FBXW4: variants seen among roughly 807,000 people sequenced by gnomAD.
FBXW4 encodes the protein F-box/WD repeat-containing protein 4.
FBXW4 carries 40 observed loss-of-function variants against 61.8 expected under a neutral mutation model. That is an observed-to-expected ratio of 0.65 (90% CI 0.50 to 0.84). The LOEUF (loss-of-function observed/expected upper bound fraction) is 0.84. Ranked by LOEUF, FBXW4 falls within the 40% of genes least tolerant of loss-of-function variation. FBXW4 has a pLI of 0.00. For missense variants in FBXW4, 672 were observed against 753.8 expected (o/e 0.89, Z 1.27); for synonymous variants, 311 against 313.8 (o/e 0.99, Z 0.10).
At chr10:101,632,893 G>A (rs1258723343) in intron 5 of FBXW4, among the ~76,000 whole-genome samples, 1 of 152,104 alleles carries the variant, frequency 6.6e-6, no homozygotes, top group Non-Finnish European at 1.5e-5. Context: ...AGCTATACAT[G>A]GTAATTACTT....
intron 6 of FBXW4, among the ~76,000 whole-genome samples, chr10:101,618,274 C>G (rs771960602): frequency 6.6e-5 from 10 of 152,228 alleles, no homozygotes; most frequent in Non-Finnish European, 1.3e-4. Flanking sequence ...CCAGGTGGCC[C>G]TTATCAGTGT....
intron 5 of FBXW4, among the ~76,000 whole-genome samples, chr10:101,666,475 C>T (rs775141954): frequency 6.6e-6 from 1 of 151,996 alleles, no homozygotes; most frequent in Non-Finnish European, 1.5e-5. Context: ...GGTGCAGGCT[C>T]CATGGGGTGA....
At chr10:101,689,896 A>G (rs2064575709) in intron 1 of FBXW4, among the ~76,000 whole-genome samples, 2 of 152,230 alleles carry the variant, frequency 1.3e-5, no homozygotes, top group Non-Finnish European at 2.9e-5. Context: ...ATGAATGTAC[A>G]TGCCAGGACA....
chr10:101,615,330 G>A (rs777040832), intron 6 of FBXW4, among the ~76,000 whole-genome samples: 12 of 152,076 alleles, frequency 7.9e-5, no homozygotes, highest in East Asian at 7.8e-4. Context: ...TCCAACTCCC[G>A]TGGACAAAGC....
In FBXW4 at chr10:101,667,948, C is replaced by T. The variant is rs1466250420; in HGVS notation, c.1173G>A (p.Gln391=). 6.2e-7 allele frequency: 1 copy of T among 1,614,100 alleles called. No homozygotes were observed. The highest frequency in any genetic ancestry group is 1.3e-5 in the African/African-American group (1 of 74,946). The change falls in exon 5 of 9, where the codon CAG becomes CAA. Residue 391 remains glutamine (Q), a synonymous_variant. Coordinates refer to ENST00000331272, the MANE Select transcript of FBXW4 (RefSeq NM_022039.4). ...VWPLASGRLG[Q]CLHTIQTEDR... ...CTTCAGTCTGGATGGTGTGTAAGCA[C>T]TGCCCCAGCCGGCCTGAGGCCAAAG...
chr10:101,628,689 C>G (rs2063926257), intron 5 of FBXW4, among the ~76,000 whole-genome samples: 1 of 152,126 alleles, frequency 6.6e-6, no homozygotes, highest in Non-Finnish European at 1.5e-5. Flanking sequence ...AGTGAGAAGT[C>G]CCTCATAAGC....
chr10:101,694,626 G>GGCC lies in FBXW4; in HGVS notation c.477_479dup (p.Ala160dup), dbSNP rs1333839343. The GGCC allele has an allele frequency of 2.1e-6, 3 of 1,428,516 alleles. No homozygotes were observed. The highest frequency in any genetic ancestry group is 2.7e-6 in the Non-Finnish European group (3 of 1,100,966). The allele number at this position is 1,428,516 out of a possible 1,614,324, so 88.5% of individuals were successfully genotyped here. Reference sequence around the variant, plus strand: ...CCTCCTCCTCCTCCTCCTCCTCCCCGGCCGCCGCCGCCATGGCCACCCCTG... The same window carrying GGCC: ...CCTCCTCCTCCTCCTCCTCCTCCCCGGCCGCCGCCGCCGCCATGGCCACCCCTG... On this transcript the variant is annotated inframe_insertion, in exon 1 of 9. Coordinates refer to ENST00000331272, the MANE Select transcript of FBXW4 (RefSeq NM_022039.4). The surrounding 1 kb of genome is among the most constrained non-coding windows in gnomAD (Gnocchi z 6.0).
chr10:101,639,315 A>T (rs1349712222), intron 5 of FBXW4, among the ~76,000 whole-genome samples: 1 of 152,130 alleles, frequency 6.6e-6, no homozygotes, highest in African/African-American at 2.4e-5. Flanking sequence ...CACCATCAAC[A>T]GCTTACAAAG....
chr10:101,621,148 T>C (rs2063863946), intron 6 of FBXW4, among the ~76,000 whole-genome samples: 1 of 152,160 alleles, frequency 6.6e-6, no homozygotes, highest in Non-Finnish European at 1.5e-5. Flanking sequence ...CACAGCCCAT[T>C]GTCAAGAGCC....
Position 101,645,579 on chromosome 10 carries a change from C to T in FBXW4, c.1236-20769G>A, listed in dbSNP as rs1281050839. On this transcript the variant is annotated intron_variant, in intron 5 of 8. Transcript: ENST00000331272. The stretch of plus-strand genomic sequence containing the variant: ...AGATTTTGCCTGGGCAATCCCTGAG[C>T]GGGGAACAGACAAAGACAGGGCTTC... Among the ~76,000 whole-genome samples the T allele has an allele frequency of 7.9e-5, 12 of 152,194 alleles. No homozygotes were observed. In the East Asian group the frequency reaches 9.6e-4, roughly 12 times the overall value.
Position 101,673,064 on chromosome 10 carries a change from G to C in FBXW4, c.1008-17C>G, listed in dbSNP as rs368202747. On this transcript the variant is annotated splice_polypyrimidine_tract_variant and intron_variant, in intron 3 of 8. Transcript: ENST00000331272. Reference sequence around the variant, plus strand: ...TTCCCATCCCTAGGAGAGAAATAAGGAGCCGACCCCCAAGAACCAATTATT... The same window carrying C: ...TTCCCATCCCTAGGAGAGAAATAAGCAGCCGACCCCCAAGAACCAATTATT... 1.3e-5 allele frequency: 21 copies of C among 1,609,718 alleles called. No individual in the cohort carries two copies. The highest frequency in any genetic ancestry group is 1.7e-5 in the Non-Finnish European group (20 of 1,179,006).
intron 5 of FBXW4, among the ~76,000 whole-genome samples, chr10:101,666,390 T>C (rs185191197): frequency 1.3e-5 from 2 of 152,260 alleles, no homozygotes; most frequent in East Asian, 3.9e-4. Flanking sequence ...GAAGAATTAA[T>C]GACGTGGCTA....
intron 1 of FBXW4, among the ~76,000 whole-genome samples, chr10:101,692,444 G>T (rs900556432): frequency 6.6e-6 from 1 of 151,972 alleles, no homozygotes; most frequent in African/African-American, 2.4e-5. Flanking sequence ...TGATATTGAT[G>T]AAAGTGTTAA....
chr10:101,659,189 C>G (rs969970688), intron 5 of FBXW4, among the ~76,000 whole-genome samples: 1 of 152,144 alleles, frequency 6.6e-6, no homozygotes, highest in Non-Finnish European at 1.5e-5. Context: ...CCAAGCAGCA[C>G]CTGCAGAGGG....
At chr10:101,628,504 A>G (rs995059404) in intron 5 of FBXW4, among the ~76,000 whole-genome samples, 1 of 152,232 alleles carries the variant, frequency 6.6e-6, no homozygotes, top group African/African-American at 2.4e-5. Context: ...AAGGCACTCA[A>G]TAAAAATTTG....
At chr10:101,658,329 A>G (rs947198663) in intron 5 of FBXW4, among the ~76,000 whole-genome samples, 8 of 152,082 alleles carry the variant, frequency 5.3e-5, no homozygotes, top group African/African-American at 1.9e-4. Context: ...GGTGGATCAT[A>G]AGGTCAGGAG....
intron 5 of FBXW4, among the ~76,000 whole-genome samples, chr10:101,654,420 G>A (rs1312062600): frequency 6.6e-6 from 1 of 151,956 alleles, no homozygotes; most frequent in Non-Finnish European, 1.5e-5. Flanking sequence ...TTTAAAAATA[G>A]AAAGTAAATG....
intron 5 of FBXW4, among the ~76,000 whole-genome samples, chr10:101,636,352 C>T (rs1396080751): frequency 7.0e-6 from 1 of 143,448 alleles, no homozygotes; most frequent in Admixed American, 7.0e-5. Context: ...AGCAAGACTC[C>T]ATCTCAAAAA....
chr10:101,630,139 G>A (rs747242246), intron 5 of FBXW4, among the ~76,000 whole-genome samples: 1 of 152,154 alleles, frequency 6.6e-6, no homozygotes, highest in Non-Finnish European at 1.5e-5. Flanking sequence ...ACAAATGAAG[G>A]CCAGGCTGCC....
Sources: allele counts gnomAD v4.1 joint callset (sites outside exome capture counted in the v4.1 genomes callset), GRCh38; gene constraint gnomAD v4.1.1; non-coding constraint Gnocchi (gnomAD v3.1); transcripts MANE v1.5; gene names NCBI Gene and HGNC (gene_info 2026-07-23, HGNC 2026-07-21).